KCMF1: variants seen among roughly 807,000 people sequenced by gnomAD.
KCMF1 encodes potassium channel modulatory factor 1, also known as E3 ubiquitin-protein ligase KCMF1.
Under a neutral mutation model 41.1 loss-of-function variants are expected in KCMF1, and 3 were observed. That is an observed-to-expected ratio of 0.07 (90% CI 0.03 to 0.19). KCMF1 has a LOEUF of 0.19. Ranked by LOEUF, KCMF1 falls within the 10% of genes least tolerant of loss-of-function variation. The probability of loss-of-function intolerance (pLI) is 1.00; values close to 1 mark genes in which losing one functional copy is unlikely to be tolerated. For synonymous variants in KCMF1, 142 were observed against 164.5 expected (o/e 0.86, Z 1.04); for missense variants, 286 against 488.9 (o/e 0.58, Z 3.91).
At chr2:85,028,270 C>T (rs891154631) in intron 2 of KCMF1, among the ~76,000 whole-genome samples, 2 of 152,076 alleles carry the variant, frequency 1.3e-5, no homozygotes, top group Non-Finnish European at 2.9e-5. Context: ...GCAACCTCCA[C>T]CTCCCTGGTT....
At chr2:85,036,525 G>A (rs1675407354) in intron 3 of KCMF1, among the ~76,000 whole-genome samples, 1 of 152,154 alleles carries the variant, frequency 6.6e-6, no homozygotes, top group African/African-American at 2.4e-5. Flanking sequence ...ACTGTGCACA[G>A]TGACTCATGA....
intron 3 of KCMF1, among the ~76,000 whole-genome samples, chr2:85,038,895 A>G (rs1404542323): frequency 6.6e-6 from 1 of 152,122 alleles, no homozygotes; most frequent in Non-Finnish European, 1.5e-5. Flanking sequence ...TAAAAAAAAT[A>G]TTTTGGTAGA....
chr2:85,049,641 T>G lies in KCMF1; in HGVS notation c.877T>G (p.Leu293Val). The stretch of plus-strand genomic sequence containing the variant: ...GACTCTACAGAATTCCCAGTTTCTT[T>G]TAACAAGGTAGCTCATTTGTTAATA... ...QQTLQNSQFL[L>V]TRLNDPKMSE... The change falls in exon 6 of 7, where the codon TTA (leucine) becomes GTA (valine). Residue 293 changes from leucine to valine, a missense_variant. By Grantham distance (32) the Leu-to-Val change is conservative. Transcript: ENST00000409785. 1 of 1,610,750 alleles carries G rather than the reference T, an allele frequency of 6.2e-7. No homozygotes were observed. Among genetic ancestry groups the G allele is most frequent in the Non-Finnish European group, 8.5e-7 (1 of 1,177,374 alleles).
At chr2:84,972,310 A>G (rs1490836232) in intron 1 of KCMF1, 1 of 152,304 alleles carries the variant, frequency 6.6e-6, no homozygotes, top group African/African-American at 2.4e-5. Context: ...ATTGGAGTAC[A>G]GTTGCAAATA....
intron 1 of KCMF1, among the ~76,000 whole-genome samples, chr2:84,975,271 C>T (rs2103958591): frequency 6.6e-6 from 1 of 152,180 alleles, no homozygotes; most frequent in East Asian, 1.9e-4. Context: ...TGGATTTGGC[C>T]TGAGGGCTGT....
chr2:84,973,331 T>C (rs1673449065), intron 1 of KCMF1, among the ~76,000 whole-genome samples: 1 of 152,370 alleles, frequency 6.6e-6, no homozygotes, highest in African/African-American at 2.4e-5. Context: ...CATTCTTGAA[T>C]GTAACATATA....
chr2:85,008,370 C>CATATATAAT (rs1491352581), intron 1 of KCMF1, among the ~76,000 whole-genome samples: 2 of 8,464 alleles, frequency 2.4e-4, no homozygotes, highest in Non-Finnish European at 8.8e-4. Context: ...TATTATATAT[C>CATATATAAT]ATATGATATA....
rs1675849074 is a variant in KCMF1, at chr2:85,053,215, C to A, written c.952C>A (p.Leu318Met). The A allele has an allele frequency of 6.2e-7, 1 of 1,613,836 alleles. No homozygotes were observed. The highest frequency in any genetic ancestry group is 1.7e-5 in the Admixed American group (1 of 59,988). ...SMESERADRS[L>M]FVQELLLSTL... ...GGAAAGCGAGCGTGCAGACCGCAGCCTGTTTGTCCAAGAGCTCCTTCTGTC... is the reference window on the plus strand; with the variant it reads ...GGAAAGCGAGCGTGCAGACCGCAGCATGTTTGTCCAAGAGCTCCTTCTGTC... The change falls in exon 7 of 7, where the codon CTG becomes ATG. Residue 318 changes from leucine (L) to methionine (M), a missense_variant. Coordinates refer to ENST00000409785, the MANE Select transcript of KCMF1 (RefSeq NM_020122.5).
rs570986544 is a variant in KCMF1 at position 85,042,173 on chromosome 2, A to G, written c.325-1391A>G. 3.6e-4 allele frequency among the ~76,000 whole-genome samples: 55 copies of G among 152,262 alleles called. 1 individual carries two copies. Among genetic ancestry groups the G allele is most frequent in the African/African-American group, 1.3e-3 (55 of 41,538 alleles). Reference sequence around the variant, plus strand: ...CTGTCATGCTTAAATGTTATTTCTCATGAACATATTTAGGTTTTCCTGAGG... The same window carrying G: ...CTGTCATGCTTAAATGTTATTTCTCGTGAACATATTTAGGTTTTCCTGAGG... On this transcript the variant is annotated intron_variant, in intron 3 of 6. Transcript: ENST00000409785.
intron 6 of KCMF1, among the ~76,000 whole-genome samples, chr2:85,052,318 G>A (rs1402602859): frequency 2.6e-5 from 4 of 152,126 alleles, no homozygotes; most frequent in South Asian, 2.1e-4. Context: ...TGATCCGCCC[G>A]CCTTGGCCTC....
At chr2:85,009,935 C>T (rs1036666759) in intron 1 of KCMF1, among the ~76,000 whole-genome samples, 1 of 152,188 alleles carries the variant, frequency 6.6e-6, no homozygotes, top group African/African-American at 2.4e-5. Context: ...AATGTTGCTG[C>T]CAGTCCCAGA....
At chr2:84,988,650 C>T (rs1028912046) in intron 1 of KCMF1, among the ~76,000 whole-genome samples, 3 of 152,144 alleles carry the variant, frequency 2.0e-5, no homozygotes, top group Non-Finnish European at 4.4e-5. Context: ...ATGTTATTCC[C>T]TTTTACAAAT....
Position 85,055,975 on chromosome 2 carries a change from G to T in KCMF1, c.*2566G>T, listed in dbSNP as rs1356711465. On this transcript the variant is annotated 3_prime_UTR_variant, in exon 7 of 7. Transcript: ENST00000409785. ...AGAAATCATTTAAATCTTTCCCCTCGAGGTGCTCTGGAAGAAGTTTAATTT... is the reference window on the plus strand; with the variant it reads ...AGAAATCATTTAAATCTTTCCCCTCTAGGTGCTCTGGAAGAAGTTTAATTT... The T allele has an allele frequency of 6.6e-6, 1 of 152,010 alleles. No individual in the cohort carries two copies. Among genetic ancestry groups the T allele is most frequent in the Admixed American group, 6.5e-5 (1 of 15,270 alleles). 9.4% of individuals were successfully genotyped at this position (152,010 alleles called of 1,614,324 possible). A position where few individuals can be genotyped will look rare whatever the true frequency, so the allele number is the denominator to read the frequency against.
intron 1 of KCMF1, among the ~76,000 whole-genome samples, chr2:85,012,757 C>G (rs912992385): frequency 6.6e-6 from 1 of 152,176 alleles, no homozygotes; most frequent in South Asian, 2.1e-4. Flanking sequence ...CTATACAGAG[C>G]TTTATGTTTG....
chr2:85,048,390 G>A (rs181028733), intron 5 of KCMF1, among the ~76,000 whole-genome samples: 129 of 152,180 alleles, frequency 8.5e-4, no homozygotes, highest in African/African-American at 2.8e-3. Context: ...TTTTTTTTCT[G>A]TCAGTGAAAA....
chr2:85,010,284 C>T (rs953054156), intron 1 of KCMF1, among the ~76,000 whole-genome samples: 2 of 152,092 alleles, frequency 1.3e-5, no homozygotes, highest in Non-Finnish European at 2.9e-5. Flanking sequence ...GCCTGGGCAA[C>T]GTAGTGAAAC....
At position 85,035,087 on chromosome 2, in the gene KCMF1, A is replaced by T; in HGVS notation, c.256A>T (p.Met86Leu). ...QSFTCPYCGK[M>L]GYTETSLQEH... Reference sequence around the variant, plus strand: ...TTTTACTTGTCCCTATTGTGGAAAAATGGGCTATACGGAGACATCTCTTCA... The same window carrying T: ...TTTTACTTGTCCCTATTGTGGAAAATTGGGCTATACGGAGACATCTCTTCA... Residue 86 changes from methionine to leucine, a missense_variant, in exon 3 of 7, where the codon ATG becomes TTG. Transcript: ENST00000409785. 6.2e-7 allele frequency: 1 copy of T among 1,613,462 alleles called. No homozygotes were observed. Among genetic ancestry groups the T allele is most frequent in the Non-Finnish European group, 8.5e-7 (1 of 1,179,468 alleles).
intron 6 of KCMF1, among the ~76,000 whole-genome samples, chr2:85,052,845 C>A (rs1467696162): frequency 6.6e-6 from 1 of 152,108 alleles, no homozygotes; most frequent in Non-Finnish European, 1.5e-5. Context: ...TGTAAGAAAT[C>A]CTGTTTTCCT....
intron 1 of KCMF1, among the ~76,000 whole-genome samples, chr2:84,985,640 C>T (rs1222549227): frequency 6.6e-6 from 1 of 152,100 alleles, no homozygotes; most frequent in Non-Finnish European, 1.5e-5. Context: ...ACCAGCCTGG[C>T]CAACATGGTG....
Sources: allele counts gnomAD v4.1 joint callset (sites outside exome capture counted in the v4.1 genomes callset), GRCh38; gene constraint gnomAD v4.1.1; transcripts MANE v1.5; gene names NCBI Gene and HGNC (gene_info 2026-07-23, HGNC 2026-07-21).